Variants in IPO11 observed in about 807,000 individuals in gnomAD.
The protein encoded by IPO11 is importin 11.
IPO11 carries 66 observed loss-of-function variants against 143.2 expected under a neutral mutation model. The ratio of observed to expected loss-of-function variants is 0.46; its 90% CI spans 0.38 to 0.57. IPO11 has a LOEUF of 0.57. IPO11 is among the 20% of genes least tolerant of loss of function. The probability of loss-of-function intolerance (pLI) is 0.00; values close to 1 mark genes in which losing one functional copy is unlikely to be tolerated. For missense variants in IPO11, 1,026 were observed against 1,141.0 expected (o/e 0.90, Z 1.45); for synonymous variants, 385 against 377.8 (o/e 1.02, Z -0.22).
At chr5:62,441,728 C>G (rs1213829836) in intron 2 of IPO11, among the ~76,000 whole-genome samples, 1 of 149,468 alleles carries the variant, frequency 6.7e-6, no homozygotes, top group Non-Finnish European at 1.5e-5. Flanking sequence ...GTTGGCCAGG[C>G]TGGTCTCGAA....
intron 16 of IPO11, among the ~76,000 whole-genome samples, chr5:62,495,901 G>A (rs1192181915): frequency 6.6e-6 from 1 of 152,186 alleles, no homozygotes; most frequent in Non-Finnish European, 1.5e-5. Context: ...AGTGTAACTG[G>A]AGAGAAAGGG....
At chr5:62,503,028 T>C (rs971104071) in intron 16 of IPO11, among the ~76,000 whole-genome samples, 1 of 152,106 alleles carries the variant, frequency 6.6e-6, no homozygotes, top group Non-Finnish European at 1.5e-5. Flanking sequence ...TTTCACCATG[T>C]TGGCCAGTCT....
intron 26 of IPO11, among the ~76,000 whole-genome samples, chr5:62,556,466 G>C (rs549437731): frequency 6.6e-6 from 1 of 152,310 alleles, no homozygotes; most frequent in South Asian, 2.1e-4. Context: ...GGCTGGGTGT[G>C]GTGGCACATG....
intron 27 of IPO11, chr5:62,580,559 T>C: frequency 6.4e-7 from 1 of 1,551,476 alleles, no homozygotes; most frequent in Non-Finnish European, 8.7e-7. Context: ...CGAGACTGGC[T>C]AGCATCTTCA....
At chr5:62,431,423 T>C (rs1453716675) in intron 1 of IPO11, among the ~76,000 whole-genome samples, 1 of 152,052 alleles carries the variant, frequency 6.6e-6, no homozygotes, top group Non-Finnish European at 1.5e-5. Flanking sequence ...AAAGTCTTGC[T>C]CTGTCACCCA....
intron 28 of IPO11, among the ~76,000 whole-genome samples, chr5:62,599,338 G>A (rs1745412854): frequency 1.3e-5 from 2 of 152,218 alleles, no homozygotes; most frequent in African/African-American, 4.8e-5. Context: ...CTGTTCAGGT[G>A]CTAGAATAAG....
intron 7 of IPO11, among the ~76,000 whole-genome samples, chr5:62,470,813 C>CTTTTTTTTTTT (rs1745739513): frequency 1.3e-5 from 1 of 76,262 alleles, no homozygotes; most frequent in African/African-American, 5.2e-5. Flanking sequence ...AGATAGCCAT[C>CTTTTTTTTTTT]TTCTTTTTTT....
intron 28 of IPO11, among the ~76,000 whole-genome samples, chr5:62,593,664 C>G (rs1014254483): frequency 4.6e-5 from 7 of 152,134 alleles, no homozygotes; most frequent in Admixed American, 4.6e-4. Context: ...GCTAAAAGGC[C>G]TAGACTTGAG....
rs555685734 is a variant in IPO11 at position 62,555,397 on chromosome 5, C to T, written c.2460+4061C>T. On this transcript the variant is annotated intron_variant, in intron 26 of 29. Transcript: ENST00000325324. ...TGGCACAATCATAGCTCACTGCAAC[C>T]GCAAACTCTTACTCAGGTGATCTTT... is the stretch of plus-strand genomic sequence containing the variant. Among the ~76,000 whole-genome samples, 5 of 152,038 alleles carry T rather than the reference C, an allele frequency of 3.3e-5. No homozygotes were observed. In the East Asian group the frequency reaches 5.8e-4, roughly 18 times the overall value.
chr5:62,599,690 G>A (rs765219816), intron 28 of IPO11, among the ~76,000 whole-genome samples: 1 of 152,202 alleles, frequency 6.6e-6, no homozygotes, highest in Middle Eastern at 3.2e-3. Context: ...TCTGCCTTGA[G>A]TTTAGAATGG....
chr5:62,455,588 A>T (rs1745111215), intron 5 of IPO11, among the ~76,000 whole-genome samples: 1 of 152,194 alleles, frequency 6.6e-6, no homozygotes, highest in Non-Finnish European at 1.5e-5. Flanking sequence ...TGCACAGGGT[A>T]CACTTAAAAT....
At chr5:62,439,976 A>C (rs1243260032) in intron 2 of IPO11, among the ~76,000 whole-genome samples, 2 of 152,092 alleles carry the variant, frequency 1.3e-5, no homozygotes, top group Non-Finnish European at 2.9e-5. Context: ...TTATTTTTGT[A>C]AGTGTATTTG....
chr5:62,421,512 G>A (rs182789146), intron 1 of IPO11, among the ~76,000 whole-genome samples: 132 of 152,282 alleles, frequency 8.7e-4, no homozygotes, highest in African/African-American at 3.0e-3. Flanking sequence ...TAATCTTTCG[G>A]GAGTACTGGG....
chr5:62,576,782 CAAAAG>C (rs2112394307), intron 27 of IPO11, among the ~76,000 whole-genome samples: 1 of 152,234 alleles, frequency 6.6e-6, no homozygotes, highest in South Asian at 2.1e-4. Flanking sequence ...GACTGTGTCT[CAAAAG>C]AATACATGCA....
intron 19 of IPO11, among the ~76,000 whole-genome samples, chr5:62,514,727 C>T (rs896395234): frequency 2.0e-5 from 3 of 152,246 alleles, no homozygotes; most frequent in South Asian, 2.1e-4. Flanking sequence ...GGAGCTGAAA[C>T]GCTGTCCAGC....
intron 28 of IPO11, among the ~76,000 whole-genome samples, chr5:62,595,944 G>A (rs889490182): frequency 2.6e-5 from 4 of 151,652 alleles, no homozygotes; most frequent in Non-Finnish European, 5.9e-5. Flanking sequence ...CCTTACCAAG[G>A]TTTGGGAAGT....
chr5:62,527,155 T>C (rs977991431), intron 21 of IPO11, among the ~76,000 whole-genome samples: 1 of 152,216 alleles, frequency 6.6e-6, no homozygotes, highest in Non-Finnish European at 1.5e-5. Flanking sequence ...CAGAAAGGTG[T>C]TGTTCGAACT....
Position 62,412,794 on chromosome 5 carries a change from T to A in IPO11, c.-142T>A, listed in dbSNP as rs1171802284. On this transcript the variant is annotated 5_prime_UTR_variant, in exon 1 of 30. Transcript: ENST00000325324. ...TGGAGCTGCGACGCCAAACATGGCGTGTTCCTAGAAGCCGCTTTCGGCATC... is the reference window on the plus strand; with the variant it reads ...TGGAGCTGCGACGCCAAACATGGCGAGTTCCTAGAAGCCGCTTTCGGCATC... The A allele has an allele frequency of 6.5e-6, 1 of 152,680 alleles. No homozygotes were observed. Among genetic ancestry groups the A allele is most frequent in the Admixed American group, 6.5e-5 (1 of 15,278 alleles). 9.5% of individuals were successfully genotyped at this position (152,680 alleles called of 1,614,324 possible).
chr5:62,422,287 C>T (rs1269493403), intron 1 of IPO11, among the ~76,000 whole-genome samples: 2 of 152,064 alleles, frequency 1.3e-5, no homozygotes, highest in Non-Finnish European at 1.5e-5. Flanking sequence ...CCACCATGCT[C>T]AGCTAATTTT....
Sources: gnomAD v4.1 joint callset for allele counts (sites outside exome capture counted in the v4.1 genomes callset) on GRCh38, gnomAD v4.1.1 for gene constraint, MANE v1.5 for transcripts, NCBI Gene and HGNC (gene_info 2026-07-23, HGNC 2026-07-21) for gene names.